PCDH15: variants seen among roughly 807,000 people sequenced by gnomAD.
PCDH15 encodes the protein protocadherin-15.
In PCDH15, 129 loss-of-function variants were observed where a neutral mutation model predicts 178.5. The observed-to-expected ratio is 0.72, with a 90% CI of 0.63 to 0.84. PCDH15 has a LOEUF of 0.84. PCDH15 is among the 40% of genes least tolerant of loss of function. PCDH15 has a pLI of 0.00. For missense variants in PCDH15, 2,230 were observed against 2,099.9 expected, an observed-to-expected ratio of 1.06 and a Z score of -1.21; for synonymous variants, 800 against 732.0, an observed-to-expected ratio of 1.09 and a Z score of -1.50.
intron 1 of PCDH15, among the ~76,000 whole-genome samples, chr10:54,724,911 TATAG>T (rs1942250840): frequency 1.1e-5 from 1 of 92,970 alleles, no homozygotes; most frequent in African/African-American, 3.8e-5. Flanking sequence ...TATATATAGA[TATAG>T]ATATAGATAT....
intron 2 of PCDH15, among the ~76,000 whole-genome samples, chr10:55,336,124 GAAAAAAAAAAAAAAA>G (rs748988261): frequency 3.2e-4 from 19 of 59,276 alleles, no homozygotes; most frequent in East Asian, 6.2e-4. Flanking sequence ...CTTGGTATTT[GAAAAAAAAAAAAAAA>G]AAAAAAAAAA....
At chr10:55,170,531 G>GA (rs1420197710) in intron 1 of PCDH15, among the ~76,000 whole-genome samples, 1 of 152,102 alleles carries the variant, frequency 6.6e-6, no homozygotes, top group African/African-American at 2.4e-5. Flanking sequence ...AATGTGCTAA[G>GA]AAATTTTTTA....
intron 9 of PCDH15, among the ~76,000 whole-genome samples, chr10:54,234,012 C>T (rs1340335126): frequency 6.6e-6 from 1 of 152,024 alleles, no homozygotes; most frequent in Non-Finnish European, 1.5e-5. Flanking sequence ...GAGGAGTCGT[C>T]CATGTGGTAA....
At position 53,805,072 on chromosome 10, in the gene PCDH15, C is replaced by T. The variant is rs566989050; in HGVS notation, c.*1507G>A. ...GTAAAAACATACTACTCTTACAAGT[C>T]GGCAAGTTTATGTCAGTACAATTCA... On this transcript the variant is annotated 3_prime_UTR_variant, in exon 38 of 38. Transcript: ENST00000644397. The T allele has an allele frequency of 3.9e-5, 6 of 151,960 alleles. No homozygotes were observed. Among genetic ancestry groups the T allele is most frequent in the East Asian group, 1.9e-4 (1 of 5,174 alleles). 9.4% of individuals were successfully genotyped at this position (151,960 alleles called of 1,614,324 possible). A position where few individuals can be genotyped will look rare whatever the true frequency, so the allele number is the denominator to read the frequency against.
chr10:55,256,752 G>A lies in PCDH15; in HGVS notation c.-156+62847C>T, dbSNP rs181411305. 1.2e-3 allele frequency among the ~76,000 whole-genome samples: 185 copies of A among 152,288 alleles called. 1 individual carries two copies. The highest frequency in any genetic ancestry group is 2.3e-3 in the African/African-American group (97 of 41,574). The stretch of plus-strand genomic sequence containing the variant: ...AAGCTCGAACTGGGTGGAGCCCACC[G>A]CAGCTCAAGGAGGCCTGCCAGCCTC... On this transcript the variant is annotated intron_variant, in intron 1 of 5. Coordinates refer to the PCDH15 transcript ENST00000458638.
intron 3 of PCDH15, among the ~76,000 whole-genome samples, chr10:54,510,420 G>T (rs964964452): frequency 6.6e-6 from 1 of 152,138 alleles, no homozygotes; most frequent in African/African-American, 2.4e-5. Flanking sequence ...CTCTCTACTT[G>T]GGTACAGAGC....
chr10:54,594,326 T>C (rs143685184), intron 2 of PCDH15, among the ~76,000 whole-genome samples: 92 of 152,222 alleles, frequency 6.0e-4, no homozygotes, highest in African/African-American at 2.1e-3. Flanking sequence ...TTTGCTCCTA[T>C]AGTAGACATT....
intron 4 of PCDH15, among the ~76,000 whole-genome samples, chr10:54,374,838 C>T (rs988192634): frequency 4.6e-5 from 7 of 151,840 alleles, no homozygotes; most frequent in East Asian, 1.9e-4. Flanking sequence ...AATATCTGAG[C>T]GTTGGGTATT....
intron 2 of PCDH15, among the ~76,000 whole-genome samples, chr10:55,560,375 T>G (rs1389372567): frequency 1.3e-5 from 2 of 151,924 alleles, no homozygotes; most frequent in Non-Finnish European, 2.9e-5. Flanking sequence ...TTCATACCTT[T>G]GCACATCAAT....
intron 2 of PCDH15, among the ~76,000 whole-genome samples, chr10:55,054,327 T>A (rs141459499): frequency 2.6e-4 from 39 of 152,254 alleles, no homozygotes; most frequent in Middle Eastern, 6.8e-3. Context: ...GGCTTTCAGC[T>A]CCATCCATGT....
intron 2 of PCDH15, among the ~76,000 whole-genome samples, chr10:55,017,920 C>T (rs1358368578): frequency 6.6e-6 from 1 of 152,006 alleles, no homozygotes; most frequent in African/African-American, 2.4e-5. Flanking sequence ...CAGTGGCCAG[C>T]TGACACTCTT....
In PCDH15 at chr10:55,231,037, A is replaced by G. The variant is rs142559627; in HGVS notation, c.-155-64386T>C. Among the ~76,000 whole-genome samples the G allele has an allele frequency of 4.0e-3, 615 of 152,160 alleles. 7 individuals carry two copies. The highest frequency in any genetic ancestry group is 0.014 in the African/African-American group (595 of 41,496). ...CAGAGAAACAGTGTAATTTACTTAA[A>G]GAATTACATATAATTCAATATTTGT... On this transcript the variant is annotated intron_variant, in intron 1 of 5. Transcript: ENST00000458638.
chr10:55,080,985 C>T (rs10437360), intron 2 of PCDH15, among the ~76,000 whole-genome samples: 34,532 of 152,052 alleles, frequency 0.23, 4,435 homozygotes, highest in African/African-American at 0.33. Flanking sequence ...TGTGCTGCTG[C>T]TGCTGGGGGT....
intron 2 of PCDH15, among the ~76,000 whole-genome samples, chr10:54,971,295 C>T (rs910289775): frequency 2.6e-5 from 4 of 152,100 alleles, no homozygotes; most frequent in African/African-American, 9.7e-5. Context: ...ATCAGGGCCA[C>T]ATGAAATGGC....
chr10:55,137,788 G>A (rs147871016), intron 2 of PCDH15, among the ~76,000 whole-genome samples: 64 of 152,136 alleles, frequency 4.2e-4, no homozygotes, highest in African/African-American at 1.4e-3. Flanking sequence ...AACAGGGTGA[G>A]GGTTATAGAA....
At chr10:54,577,508 G>T (rs1387978750) in intron 2 of PCDH15, among the ~76,000 whole-genome samples, 1 of 151,436 alleles carries the variant, frequency 6.6e-6, no homozygotes. Context: ...AAGAAATCAG[G>T]GTTACATTTG....
chr10:55,062,917 A>G (rs983231688), intron 2 of PCDH15, among the ~76,000 whole-genome samples: 9 of 152,094 alleles, frequency 5.9e-5, no homozygotes, highest in African/African-American at 2.2e-4. Flanking sequence ...CTTTAAAATG[A>G]TAGTGGCCAA....
chr10:53,830,237 G>A (rs959555170), intron 30 of PCDH15, among the ~76,000 whole-genome samples: 3 of 151,678 alleles, frequency 2.0e-5, no homozygotes, highest in African/African-American at 4.8e-5. Flanking sequence ...TGGAGGCAGA[G>A]GTTGCAGTGA....
chr10:54,866,121 C>T (rs11597320), intron 3 of PCDH15, among the ~76,000 whole-genome samples: 2,655 of 152,230 alleles, frequency 0.017, 34 homozygotes, highest in Middle Eastern at 0.041. Flanking sequence ...TCATAGTCTA[C>T]TTCAGCTATG....
Sources: gnomAD v4.1 joint callset for allele counts (sites outside exome capture counted in the v4.1 genomes callset) on GRCh38, gnomAD v4.1.1 for gene constraint, MANE v1.5 for transcripts, NCBI Gene and HGNC (gene_info 2026-07-23, HGNC 2026-07-21) for gene names.